The following CSMD2 variants were observed in gnomAD, a reference collection of about 807,000 sequenced individuals.
The protein encoded by CSMD2 is CUB and sushi domain-containing protein 2.
In CSMD2, 130 loss-of-function variants were observed where a neutral mutation model predicts 398.5. The ratio of observed to expected loss-of-function variants is 0.33; its 90% confidence interval spans 0.28 to 0.38. The LOEUF (loss-of-function observed/expected upper bound fraction) is 0.38, where lower values mean the gene tolerates loss of function less well. Among genes scored for constraint, CSMD2 ranks in the 10% least tolerant of loss-of-function variants. The pLI is 1.00. For synonymous variants in CSMD2, 1,828 were observed against 1,908.5 expected (o/e 0.96, Z 1.10); for missense variants, 3,829 against 4,764.9 (o/e 0.80, Z 5.78).
intron 11 of CSMD2, among the ~76,000 whole-genome samples, chr1:33,791,307 A>G (rs1489821049): frequency 2.6e-5 from 4 of 152,322 alleles, no homozygotes; most frequent in Middle Eastern, 3.4e-3. Context: ...TTAAAAGAGA[A>G]TAATAACACC....
At chr1:33,650,512 G>C (rs1331363565) in intron 28 of CSMD2, among the ~76,000 whole-genome samples, 2 of 150,158 alleles carry the variant, frequency 1.3e-5, no homozygotes, top group African/African-American at 2.4e-5. Context: ...AAACTGCAAG[G>C]AGTTCCATCT....
At chr1:34,130,684 GA>G (rs913346796) in intron 1 of CSMD2, among the ~76,000 whole-genome samples, 3 of 152,104 alleles carry the variant, frequency 2.0e-5, no homozygotes, top group Non-Finnish European at 2.9e-5. Flanking sequence ...GAGAGACAGA[GA>G]AGGCTTTAAA....
chr1:33,908,084 TCAA>T (rs1391731717), intron 5 of CSMD2, among the ~76,000 whole-genome samples: 1 of 39,582 alleles, frequency 2.5e-5, no homozygotes, highest in African/African-American at 1.8e-4. Flanking sequence ...AGACTCCATC[TCAA>T]AAAAAAAAAA....
intron 55 of CSMD2, among the ~76,000 whole-genome samples, chr1:33,554,093 G>A (rs1657725066): frequency 6.6e-6 from 1 of 151,944 alleles, no homozygotes; most frequent in Non-Finnish European, 1.5e-5. Context: ...TGCTGATGTG[G>A]AAGCTATAGC....
intron 48 of CSMD2, among the ~76,000 whole-genome samples, chr1:33,577,856 G>A (rs371576910): frequency 1.5e-4 from 23 of 152,272 alleles, no homozygotes; most frequent in African/African-American, 5.1e-4. Flanking sequence ...CTGCGACTGC[G>A]GGGGTGTGGA....
chr1:33,662,476 T>C (rs574543324), intron 26 of CSMD2, among the ~76,000 whole-genome samples: 1 of 152,276 alleles, frequency 6.6e-6, no homozygotes, highest in South Asian at 2.1e-4. Context: ...CTAATAGGGG[T>C]GCACAAGTCC....
At chr1:34,030,984 G>C (rs1650338938) in intron 3 of CSMD2, among the ~76,000 whole-genome samples, 1 of 152,208 alleles carries the variant, frequency 6.6e-6, no homozygotes, top group Non-Finnish European at 1.5e-5. Flanking sequence ...GCTTCTCCTA[G>C]TGAGGAGCTT....
At chr1:33,696,267 G>A (rs590929) in intron 24 of CSMD2, among the ~76,000 whole-genome samples, 1 of 152,214 alleles carries the variant, frequency 6.6e-6, no homozygotes, top group African/African-American at 2.4e-5. Flanking sequence ...GCTAGAAATA[G>A]GAGAAGAAGG....
At chr1:33,622,401 G>T in intron 36 of CSMD2, 130 bp from the exon 37 acceptor site, 1 of 673,326 alleles carries the variant, frequency 1.5e-6, no homozygotes, top group Non-Finnish European at 2.7e-6. Flanking sequence ...CCCCAGTTAT[G>T]AAACTCACTA....
intron 3 of CSMD2, among the ~76,000 whole-genome samples, chr1:34,029,793 C>T (rs1650178352): frequency 6.6e-6 from 1 of 152,224 alleles, no homozygotes; most frequent in African/African-American, 2.4e-5. Flanking sequence ...ATTGGTCTAG[C>T]CTTTGCAGGG....
At chr1:33,660,612 C>T (rs763925744) in intron 26 of CSMD2, among the ~76,000 whole-genome samples, 8 of 152,224 alleles carry the variant, frequency 5.3e-5, no homozygotes, top group Non-Finnish European at 1.2e-4. Flanking sequence ...TGACCTTTCC[C>T]AAACCTTGGT....
chr1:33,852,504 C>G (rs1382818862), intron 5 of CSMD2, among the ~76,000 whole-genome samples: 1 of 152,236 alleles, frequency 6.6e-6, no homozygotes, highest in Admixed American at 6.5e-5. Context: ...CCTGTAATGC[C>G]CTTTTCCTGT....
At chr1:33,920,542 CAAAAAAAAAA>C (rs58865984) in intron 4 of CSMD2, among the ~76,000 whole-genome samples, 10,381 of 84,552 alleles carry the variant, frequency 0.12, 1,331 homozygotes, top group African/African-American at 0.35. Context: ...CAATCTGTCT[CAAAAAAAAAA>C]AAAAAAAAAA....
chr1:33,680,867 C>T (rs1644885647), intron 25 of CSMD2, among the ~76,000 whole-genome samples: 1 of 149,602 alleles, frequency 6.7e-6, no homozygotes, highest in Non-Finnish European at 1.5e-5. Flanking sequence ...TATCAGTTAG[C>T]CATTACTGTT....
At chr1:34,109,867 G>A (rs556867590) in intron 1 of CSMD2, among the ~76,000 whole-genome samples, 15 of 151,338 alleles carry the variant, frequency 9.9e-5, no homozygotes, top group South Asian at 4.2e-4. Context: ...GTGAAACCCC[G>A]TCTCTACTAA....
At chr1:33,754,371 ATGTGATACAC>A (rs2149281553) in intron 13 of CSMD2, among the ~76,000 whole-genome samples, 1 of 152,296 alleles carries the variant, frequency 6.6e-6, no homozygotes, top group Non-Finnish European at 1.5e-5. Context: ...CACTCTTGCC[ATGTGATACAC>A]TGGCTCTCCT....
chr1:33,728,845 C>T (rs931054509), intron 15 of CSMD2, among the ~76,000 whole-genome samples: 2 of 152,122 alleles, frequency 1.3e-5, no homozygotes, highest in South Asian at 4.2e-4. Flanking sequence ...CTTAGAGAAA[C>T]TAAATAATTA....
chr1:33,998,482 G>A (rs879331685), intron 3 of CSMD2, among the ~76,000 whole-genome samples: 9 of 152,248 alleles, frequency 5.9e-5, no homozygotes, highest in African/African-American at 1.2e-4. Flanking sequence ...TATAGGCCCA[G>A]AGGACAGTCA....
chr1:33,998,279 C>T (rs1208619789), intron 3 of CSMD2, among the ~76,000 whole-genome samples: 1 of 152,086 alleles, frequency 6.6e-6, no homozygotes, highest in Admixed American at 6.5e-5. Flanking sequence ...TGCAGAGTCC[C>T]CACCAGCAAA....
Sources: gnomAD v4.1 joint callset for allele counts (sites outside exome capture counted in the v4.1 genomes callset) on GRCh38, gnomAD v4.1.1 for gene constraint, MANE v1.5 for transcripts, NCBI Gene and HGNC (gene_info 2026-07-23, HGNC 2026-07-21) for gene names.